Variants in ITSN1 observed in about 807,000 individuals in gnomAD.
The protein encoded by ITSN1 is intersectin-1.
In ITSN1, 58 loss-of-function variants were observed where a neutral mutation model predicts 239.8. That is an observed-to-expected ratio of 0.24 (90% CI 0.20 to 0.30). The LOEUF (loss-of-function observed/expected upper bound fraction) is 0.30, where lower values mean the gene tolerates loss of function less well. ITSN1 is among the 10% of genes least tolerant of loss of function. ITSN1 has a pLI of 1.00. For synonymous variants in ITSN1, 780 were observed against 770.8 expected, an observed-to-expected ratio of 1.01 and a Z score of -0.20; for missense variants, 1,558 against 2,103.3, an observed-to-expected ratio of 0.74 and a Z score of 5.07.
At chr21:33,752,927 A>T (rs2067656524) in intron 7 of ITSN1, among the ~76,000 whole-genome samples, 1 of 152,204 alleles carries the variant, frequency 6.6e-6, no homozygotes, top group Admixed American at 6.5e-5. Flanking sequence ...AGAGAAAAGC[A>T]TGTTGAATAT....
chr21:33,676,994 C>T (rs919466630), intron 1 of ITSN1, among the ~76,000 whole-genome samples: 2 of 134,580 alleles, frequency 1.5e-5, no homozygotes, highest in East Asian at 2.2e-4. Flanking sequence ...CATCACACAC[C>T]GGGACCTGTC....
rs563701618 is a variant in ITSN1 at position 33,835,320 on chromosome 21, T to C, written c.3469+896T>C. Reference sequence around the variant, plus strand: ...CAGGGTTTGCTGTCCCCTGGAGAGATGTGTCAGTATCCCTCCACTTCCATG... The same window carrying C: ...CAGGGTTTGCTGTCCCCTGGAGAGACGTGTCAGTATCCCTCCACTTCCATG... On this transcript the variant is annotated intron_variant, in intron 28 of 39. Transcript: ENST00000381318. 2.0e-5 allele frequency among the ~76,000 whole-genome samples: 3 copies of C among 152,282 alleles called. No individual in the cohort carries two copies. The East Asian group carries it at 5.8e-4, about 29-fold the overall frequency.
rs59665729 is a variant in ITSN1 at position 33,833,915 on chromosome 21, C to CATTATT, written c.3352-373_3352-368dup. 5.0e-3 allele frequency among the ~76,000 whole-genome samples: 754 copies of CATTATT among 149,904 alleles called. 7 individuals are homozygous for CATTATT. The highest frequency in any genetic ancestry group is 0.015 in the African/African-American group (613 of 40,748). On this transcript the variant is annotated intron_variant, in intron 27 of 39. Coordinates refer to ENST00000381318, the MANE Select transcript of ITSN1 (RefSeq NM_003024.3). ...GAAGTACTCAGTGTGTATTGGTGGCCATTATTATTATTATTATTATTATTC... is the reference window on the plus strand; with the variant it reads ...GAAGTACTCAGTGTGTATTGGTGGCCATTATTATTATTATTATTATTATTATTATTC...
intron 1 of ITSN1, among the ~76,000 whole-genome samples, chr21:33,693,218 A>G (rs912896140): frequency 2.0e-5 from 3 of 152,104 alleles, no homozygotes; most frequent in African/African-American, 7.2e-5. Flanking sequence ...ATTTTATTCA[A>G]TTTTCTAAGA....
chr21:33,805,456 A>G (rs973873733), intron 20 of ITSN1, among the ~76,000 whole-genome samples: 1 of 152,220 alleles, frequency 6.6e-6, no homozygotes, highest in African/African-American at 2.4e-5. Flanking sequence ...ACAACTGGCC[A>G]TAATATCACT....
intron 35 of ITSN1, 121 bp from the exon 36 acceptor site, chr21:33,883,429 G>A (rs570617575): frequency 1.5e-5 from 20 of 1,334,214 alleles, no homozygotes; most frequent in Middle Eastern, 2.0e-4. Context: ...GTGCACACAC[G>A]CGCTGACTTG....
intron 1 of ITSN1, among the ~76,000 whole-genome samples, chr21:33,712,323 T>G (rs2092439933): frequency 6.6e-6 from 1 of 152,216 alleles, no homozygotes; most frequent in Admixed American, 6.5e-5. Context: ...AGAATGCTGT[T>G]TGTTTCAGTA....
At chr21:33,796,654 G>A (rs1388267324) in intron 17 of ITSN1, among the ~76,000 whole-genome samples, 1 of 152,172 alleles carries the variant, frequency 6.6e-6, no homozygotes, top group Non-Finnish European at 1.5e-5. Flanking sequence ...CTCTGCCCCA[G>A]CTTCCTCATT....
At chr21:33,856,543 C>G (rs867563257) in intron 29 of ITSN1, among the ~76,000 whole-genome samples, 193 bp from the exon 30 acceptor site, 4 of 152,158 alleles carry the variant, frequency 2.6e-5, no homozygotes, top group Non-Finnish European at 5.9e-5. Flanking sequence ...AAGACTATTT[C>G]CAAATAAGGT....
intron 29 of ITSN1, chr21:33,837,497 A>G: frequency 1.0e-6 from 1 of 985,990 alleles, no homozygotes; most frequent in Non-Finnish European, 1.2e-6. Flanking sequence ...GTCCAGTGTT[A>G]CCAACTAAAT....
chr21:33,705,019 G>T (rs1220933618), intron 1 of ITSN1, among the ~76,000 whole-genome samples: 2 of 150,804 alleles, frequency 1.3e-5, no homozygotes, highest in Non-Finnish European at 3.0e-5. Flanking sequence ...GCTGAGGCCG[G>T]AGAATGGCGT....
intron 34 of ITSN1, 89 bp downstream of exon 34, chr21:33,875,610 C>T: frequency 2.4e-6 from 3 of 1,260,466 alleles, no homozygotes. Context: ...ATGAACCATT[C>T]TCCTCCCCAG....
chr21:33,831,878 C>T (rs1175459529), intron 27 of ITSN1, among the ~76,000 whole-genome samples: 1 of 152,144 alleles, frequency 6.6e-6, no homozygotes, highest in Non-Finnish European at 1.5e-5. Context: ...GAAATCCACT[C>T]CTTTTTGTCA....
At chr21:33,764,414 G>T (rs1014873892) in intron 9 of ITSN1, among the ~76,000 whole-genome samples, 1 of 152,150 alleles carries the variant, frequency 6.6e-6, no homozygotes, top group Non-Finnish European at 1.5e-5. Context: ...GCGGGCAGGG[G>T]TTTCATTTTA....
intron 1 of ITSN1, among the ~76,000 whole-genome samples, chr21:33,646,766 A>G (rs1036673297): frequency 1.3e-5 from 2 of 152,256 alleles, no homozygotes; most frequent in African/African-American, 4.8e-5. Flanking sequence ...CCTAAAACTC[A>G]AAAGCTAACC....
intron 1 of ITSN1, among the ~76,000 whole-genome samples, chr21:33,703,083 CTGTGTGTGTGTG>C (rs10529613): frequency 2.1e-5 from 3 of 145,544 alleles, no homozygotes; most frequent in Admixed American, 6.9e-5. Flanking sequence ...GAGACTCTGT[CTGTGTGTGTGTG>C]TGTGTGTGTG....
rs113524938 is a variant in ITSN1, at chr21:33,765,494, T to G, written c.789-381T>G. On this transcript the variant is annotated intron_variant, in intron 9 of 39. Coordinates refer to ENST00000381318, the MANE Select transcript of ITSN1 (RefSeq NM_003024.3). ...GAACTGTGATCATGACTGCAGTGAG[T>G]CTGCAGTGAGCTGTGATCATGACTG... Among the ~76,000 whole-genome samples, 1,147 of 152,008 alleles carry G rather than the reference T, an allele frequency of 7.5e-3. 15 individuals carry two copies. The highest frequency in any genetic ancestry group is 0.026 in the African/African-American group (1,092 of 41,448).
At chr21:33,716,841 A>G (rs2147035126) in intron 1 of ITSN1, among the ~76,000 whole-genome samples, 1 of 151,898 alleles carries the variant, frequency 6.6e-6, no homozygotes, top group South Asian at 2.1e-4. Context: ...AATCCCAGCT[A>G]CTCAGGAGGC....
chr21:33,713,828 CTTTTTTT>C (rs35226795), intron 1 of ITSN1, among the ~76,000 whole-genome samples: 1 of 89,364 alleles, frequency 1.1e-5, no homozygotes, highest in East Asian at 3.7e-4. Flanking sequence ...CCAGCCTCAT[CTTTTTTT>C]TTTTTTTTTT....
Sources: allele counts gnomAD v4.1 joint callset (sites outside exome capture counted in the v4.1 genomes callset), GRCh38; gene constraint gnomAD v4.1.1; transcripts MANE v1.5; gene names NCBI Gene and HGNC (gene_info 2026-07-23, HGNC 2026-07-21).